MYO3A: variants seen among roughly 807,000 people sequenced by gnomAD.
MYO3A encodes the protein myosin-IIIa.
In MYO3A, 180 loss-of-function variants were observed where a neutral mutation model predicts 192.7. The observed-to-expected ratio is 0.93, with a 90% confidence interval of 0.83 to 1.06. The LOEUF (loss-of-function observed/expected upper bound fraction) is 1.06, where lower values mean the gene tolerates loss of function less well. Among genes scored for constraint, MYO3A ranks in the 50% least tolerant of loss-of-function variants. The pLI is 0.00. For synonymous variants in MYO3A, 628 were observed against 645.3 expected, an observed-to-expected ratio of 0.97 and a Z score of 0.41; for missense variants, 1,896 against 1,905.0, an observed-to-expected ratio of 1.00 and a Z score of 0.09.
intron 12 of MYO3A, 34 bp downstream of exon 12, chr10:26,068,918 A>G: frequency 7.7e-7 from 1 of 1,306,630 alleles, no homozygotes. Context: ...GTTACTTCAT[A>G]CACATAATTA....
intron 18 of MYO3A, among the ~76,000 whole-genome samples, chr10:26,123,743 A>G (rs1452643916): frequency 6.6e-6 from 1 of 152,058 alleles, no homozygotes; most frequent in African/African-American, 2.4e-5. Context: ...TGGCTAACAC[A>G]GTGAAACCCC....
At chr10:26,145,352 A>G in intron 21 of MYO3A, 94 bp from the exon 22 acceptor site, 1 of 840,768 alleles carries the variant, frequency 1.2e-6, no homozygotes, top group Non-Finnish European at 2.0e-6. Flanking sequence ...TTCTTTGTTC[A>G]CTGCACATTG....
intron 4 of MYO3A, among the ~76,000 whole-genome samples, chr10:25,966,962 C>T (rs566731212): frequency 5.9e-5 from 9 of 152,194 alleles, no homozygotes; most frequent in South Asian, 4.2e-4. Flanking sequence ...ATAAATGAGG[C>T]GAACACTACA....
At chr10:26,150,081 A>G (rs906820033) in intron 23 of MYO3A, among the ~76,000 whole-genome samples, 42 of 150,584 alleles carry the variant, frequency 2.8e-4, no homozygotes, top group Admixed American at 2.2e-3. Flanking sequence ...TCTTTATCCA[A>G]TCATCCATTG....
intron 17 of MYO3A, among the ~76,000 whole-genome samples, chr10:26,107,248 G>A (rs1564555791): frequency 6.6e-6 from 1 of 152,120 alleles, no homozygotes; most frequent in Non-Finnish European, 1.5e-5. Flanking sequence ...TTGGGAGGCC[G>A]AGGCGGGTGG....
In MYO3A at chr10:26,101,149, A is replaced by G. The variant is rs184733711; in HGVS notation, c.1776+4467A>G. Among the ~76,000 whole-genome samples the G allele has an allele frequency of 3.7e-3, 566 of 152,284 alleles. 14 individuals carry two copies. In the East Asian group the frequency reaches 0.039, roughly 10 times the overall value. On this transcript the variant is annotated intron_variant, in intron 17 of 34. Transcript: ENST00000642920. ...TGAATTGATTCCTTTACCATTATGTAATGGCCTTCTTTGTCTCTTTTGATC... is the reference window on the plus strand; with the variant it reads ...TGAATTGATTCCTTTACCATTATGTGATGGCCTTCTTTGTCTCTTTTGATC...
intron 14 of MYO3A, among the ~76,000 whole-genome samples, chr10:26,075,300 A>C (rs1027292827): frequency 4.4e-4 from 66 of 151,066 alleles, no homozygotes; most frequent in African/African-American, 1.6e-3. Flanking sequence ...TTCCATAGTT[A>C]TCGGGATACA....
chr10:25,982,034 G>A (rs1839360433), intron 4 of MYO3A, among the ~76,000 whole-genome samples: 1 of 152,184 alleles, frequency 6.6e-6, no homozygotes, highest in African/African-American at 2.4e-5. Context: ...AAATAGACTG[G>A]GTGCTGTTGA....
chr10:25,962,969 A>G (rs747695727), intron 4 of MYO3A, among the ~76,000 whole-genome samples: 9 of 152,222 alleles, frequency 5.9e-5, no homozygotes, highest in African/African-American at 2.2e-4. Flanking sequence ...GCCTTCAGCC[A>G]TAATGAATCC....
intron 20 of MYO3A, among the ~76,000 whole-genome samples, chr10:26,139,799 G>A (rs1840050516): frequency 6.6e-6 from 1 of 152,146 alleles, no homozygotes; most frequent in Non-Finnish European, 1.5e-5. Flanking sequence ...GGCCAAGGCA[G>A]GACAATCACT....
intron 10 of MYO3A, among the ~76,000 whole-genome samples, chr10:26,066,378 A>G (rs921498600): frequency 1.7e-4 from 26 of 152,336 alleles, no homozygotes; most frequent in African/African-American, 6.0e-4. Context: ...AGAAAAGTTT[A>G]AATAAACCAT....
intron 26 of MYO3A, among the ~76,000 whole-genome samples, chr10:26,163,926 G>A (rs929709268): frequency 7.9e-5 from 12 of 152,188 alleles, no homozygotes; most frequent in Non-Finnish European, 1.3e-4. Flanking sequence ...GAGACTAAGA[G>A]GGAGGAGGAG....
intron 6 of MYO3A, among the ~76,000 whole-genome samples, chr10:26,000,610 G>GT (rs148206647): frequency 0.095 from 14,418 of 150,988 alleles, 1,203 homozygotes; most frequent in African/African-American, 0.22. Flanking sequence ...ACACCACAGG[G>GT]TTTTTTTTTA....
intron 34 of MYO3A, among the ~76,000 whole-genome samples, chr10:26,208,231 G>A (rs1241839310): frequency 6.6e-6 from 1 of 152,048 alleles, no homozygotes; most frequent in African/African-American, 2.4e-5. Context: ...TGAGAGATGT[G>A]GGGTGTTTAG....
chr10:26,078,380 AT>A (rs1396350388), intron 14 of MYO3A, among the ~76,000 whole-genome samples: 1 of 151,076 alleles, frequency 6.6e-6, no homozygotes, highest in African/African-American at 2.4e-5. Flanking sequence ...GGTTATTTGA[AT>A]TTTTTTCTTT....
At chr10:26,183,534 TAATAAAA>T (rs563327988) in intron 31 of MYO3A, among the ~76,000 whole-genome samples, 1,695 of 151,740 alleles carry the variant, frequency 0.011, 17 homozygotes, top group Admixed American at 0.015. Context: ...AAAAAAATAA[TAATAAAA>T]AATAAAAAAT....
chr10:26,059,984 G>A (rs535165032), intron 10 of MYO3A, among the ~76,000 whole-genome samples: 161 of 152,254 alleles, frequency 1.1e-3, no homozygotes, highest in African/African-American at 3.6e-3. Flanking sequence ...TAGGCTGGGC[G>A]TGATGGCTCA....
intron 2 of MYO3A, among the ~76,000 whole-genome samples, chr10:25,943,689 T>C (rs147893472): frequency 9.4e-4 from 143 of 152,102 alleles, no homozygotes; most frequent in African/African-American, 3.3e-3. Context: ...TCATTGTTAG[T>C]GTACAGAAAA....
At chr10:26,092,779 C>T (rs1283130287) in intron 15 of MYO3A, among the ~76,000 whole-genome samples, 1 of 152,154 alleles carries the variant, frequency 6.6e-6, no homozygotes, top group Non-Finnish European at 1.5e-5. Context: ...CTTGCAAGAC[C>T]CCATGTCTGT....
Sources: allele counts gnomAD v4.1 joint callset (sites outside exome capture counted in the v4.1 genomes callset), GRCh38; gene constraint gnomAD v4.1.1; transcripts MANE v1.5; gene names NCBI Gene and HGNC (gene_info 2026-07-23, HGNC 2026-07-21).